The following RTL3 variants were observed in gnomAD, a reference collection of about 807,000 sequenced individuals.
RTL3 encodes the protein retrotransposon Gag-like protein 3.
For synonymous variants in RTL3, 181 were observed against 132.2 expected (o/e 1.37, Z -2.53); for missense variants, 468 against 341.8 (o/e 1.37, Z -2.91).
chrX:78,657,119 A>G lies in RTL3; in HGVS notation c.1302T>C (p.Ala434=). The change falls in exon 2 of 2, where the codon GCT becomes GCC. Residue 434 remains alanine, a synonymous_variant. Transcript: ENST00000321110. ...AAINCPHISE[A]EWVRWHKGRL... ...GGCCTTTGTGCCAACGGACCCATTC[A>G]GCTTCACTGATGTGTGGGCAGTTGA... 8.2e-7 allele frequency: 1 copy of G among 1,212,171 alleles called. No homozygotes were observed. Among genetic ancestry groups the G allele is most frequent in the Non-Finnish European group, 1.1e-6 (1 of 895,586 alleles).
In RTL3 at chrX:78,657,395, G is replaced by A. The variant is rs755693200; in HGVS notation, c.1026C>T (p.His342=). Residue 342 remains histidine, a synonymous_variant, in exon 2 of 2, where the codon CAC becomes CAT. Transcript: ENST00000321110. The part of the protein sequence containing the change: ...LCQGEGHVAT[H]FHLIAQELNW... ...TCAGCTCTTGAGCAATGAGGTGGAA[G>A]TGGGTTGCTACATGACCCTCCCCTT... 5.8e-6 allele frequency: 7 copies of A among 1,212,164 alleles called. No individual in the cohort carries two copies. The highest frequency in any genetic ancestry group is 7.8e-6 in the Non-Finnish European group (7 of 895,597).
Position 78,657,356 on chromosome X carries a change from G to A in RTL3, c.1065C>T (p.Ser355=). 1 of 1,211,889 alleles carries A rather than the reference G, an allele frequency of 8.3e-7. No individual in the cohort carries two copies. The highest frequency in any genetic ancestry group is 1.7e-5 in the African/African-American group (1 of 57,789). ...LIAQELNWDE[S]TLWIQFQEGL... is the part of the protein sequence containing the mutation. ...CTTCTTGAAATTGGATCCAGAGAGT[G>A]CTTTCATCCCAGTTCAGCTCTTGAG... is the stretch of plus-strand genomic sequence containing the variant. The change falls in exon 2 of 2, where the codon AGC becomes AGT. Residue 355 remains serine, a synonymous_variant. Transcript: ENST00000321110.
In RTL3 at chrX:78,657,235, G is replaced by T. The variant is rs868769230; in HGVS notation, c.1186C>A (p.Pro396Thr). 1 of 1,210,660 alleles carries T rather than the reference G, an allele frequency of 8.3e-7. No individual in the cohort carries two copies. Among genetic ancestry groups the T allele is most frequent in the Non-Finnish European group, 1.1e-6 (1 of 895,388 alleles). Residue 396 changes from proline to threonine, a missense_variant, in exon 2 of 2, where the codon CCT (proline) becomes ACT (threonine). Physicochemically the swap from Pro to Thr is conservative, Grantham distance 38. Transcript: ENST00000321110. ...ITQCISLEEK[P>T]DPNPLGKSSS... ...CTTTTCCCTAATGGATTGGGATCAG[G>T]CTTCTCTTCCAGGCTGATGCACTGA...
chrX:78,658,548 T>G lies in RTL3; in HGVS notation c.-128A>C. The G allele has an allele frequency of 1.5e-6, 1 of 678,279 alleles. No individual in the cohort carries two copies. The highest frequency in any genetic ancestry group is 2.1e-6 in the Non-Finnish European group (1 of 470,349). The allele number at this position is 678,279 out of a possible 1,213,427, so 55.9% of individuals were successfully genotyped here. A position where few individuals can be genotyped will look rare whatever the true frequency, so the allele number is the denominator to read the frequency against. On this transcript the variant is annotated 5_prime_UTR_variant, in exon 2 of 2. Coordinates refer to ENST00000321110, the MANE Select transcript of RTL3 (RefSeq NM_152694.3). ...TCAGTGAGTTTTCCAAGGGGTGGTA[T>G]TTGGGCCCCGCCAAGGCTGATTATC...
chrX:78,657,559 C>G lies in RTL3; in HGVS notation c.862G>C (p.Gly288Arg). The G allele has an allele frequency of 8.3e-7, 1 of 1,206,963 alleles. No homozygotes were observed. The highest frequency in any genetic ancestry group is 1.1e-6 in the Non-Finnish European group (1 of 892,866). ...TCCAGTAAGAGCTGGAACCACCATC[C>G]TGCCCTACCTGAGAAGCAATTGCCA... ...FVGNCFSGRA[G>R]WWFQLLLDIQ... is the part of the protein sequence containing the mutation. The change falls in exon 2 of 2, where the codon GGA (glycine) becomes CGA (arginine). Residue 288 changes from glycine to arginine, a missense_variant. Coordinates refer to ENST00000321110, the MANE Select transcript of RTL3 (RefSeq NM_152694.3).
Position 78,658,247 on chromosome X carries a change from G to A in RTL3, c.174C>T (p.Ala58=), listed in dbSNP as rs372033992. Residue 58 remains alanine, a synonymous_variant, in exon 2 of 2, where the codon GCC becomes GCT. Transcript: ENST00000321110. ...EYDLLRKSSE[A]KEPQKLPEHM... ...GCTCTGGGAGCTTCTGGGGCTCCTT[G>A]GCCTCTGAGGACTTTCGGAGTAGAT... is the stretch of plus-strand genomic sequence containing the variant. The A allele has an allele frequency of 4.1e-6, 5 of 1,210,028 alleles. No individual in the cohort carries two copies. The South Asian group carries it at 5.3e-5, about 13-fold the overall frequency.
chrX:78,657,472 CA>C lies in RTL3; in HGVS notation c.948del (p.Phe316LeufsTer7). ...GCATCTTTCATGTTTTCTGGATTAT[CA>C]AAAGTATCCTGGAGCACAGGTATGA... is the stretch of plus-strand genomic sequence containing the variant. Reference protein sequence around the residue: ...ESFIPVLQDTFDNPENMKDAN... With the variant: ...ESFIPVLQDTXDNPENMKDAN... On this transcript the variant is annotated frameshift_variant, in exon 2 of 2. Coordinates refer to ENST00000321110, the MANE Select transcript of RTL3 (RefSeq NM_152694.3). LOFTEE classifies it low-confidence loss of function (END_TRUNC). 8.3e-7 allele frequency: 1 copy of C among 1,208,226 alleles called. No individual in the cohort carries two copies. Among genetic ancestry groups the C allele is most frequent in the Non-Finnish European group, 1.1e-6 (1 of 893,617 alleles).
Position 78,657,462 on chromosome X carries a change from T to C in RTL3, c.959A>G (p.Glu320Gly). 1 of 1,209,532 alleles carries C rather than the reference T, an allele frequency of 8.3e-7. No homozygotes were observed. Among genetic ancestry groups the C allele is most frequent in the Non-Finnish European group, 1.1e-6 (1 of 894,214 alleles). The change falls in exon 2 of 2, where the codon GAA (glutamate) becomes GGA (glycine). Residue 320 changes from glutamate to glycine, a missense_variant. Physicochemically the swap from Glu to Gly is moderately conservative, Grantham distance 98 (BLOSUM62 -2). Coordinates refer to ENST00000321110, the MANE Select transcript of RTL3 (RefSeq NM_152694.3). ...GCACTGGTTGGCATCTTTCATGTTT[T>C]CTGGATTATCAAAAGTATCCTGGAG... Reference protein sequence around the residue: ...PVLQDTFDNPENMKDANQCIH... With the variant: ...PVLQDTFDNPGNMKDANQCIH...
rs779187250 is a variant in RTL3 at position 78,658,346 on chromosome X, C to T, written c.75G>A (p.Trp25Ter). ...GGAGAGCAGCATTTTCTTCCATCAG[C>T]CACTGCACTTGAGCCTGCCGAATTT... ...ENEIRQAQVQ[W>*]LMEENAALQA... is the part of the protein sequence containing the mutation. The change falls in exon 2 of 2, where the codon TGG becomes TGA. Residue 25 changes from tryptophan to a stop codon, truncating the protein, a stop_gained. Coordinates refer to ENST00000321110, the MANE Select transcript of RTL3 (RefSeq NM_152694.3). LOFTEE classifies it low-confidence loss of function (END_TRUNC). The T allele has an allele frequency of 2.5e-6, 3 of 1,209,140 alleles. No individual in the cohort carries two copies. Among genetic ancestry groups the T allele is most frequent in the African/African-American group, 1.8e-5 (1 of 56,868 alleles).
rs368758594 is a variant in RTL3, at chrX:78,657,018, G to A, written c.1403C>T (p.Ala468Val). 4.1e-5 allele frequency: 49 copies of A among 1,208,291 alleles called. 1 individual carries two copies. Among genetic ancestry groups the A allele is most frequent in the East Asian group, 3.3e-4 (11 of 33,701 alleles). ...CPVKPHQALQ[A>V]GNIQACQ ...TTACTGGCAGGCCTGGATGTTTCCC[G>A]CCTGCAGGGCCTGATGAGGCTTGAC... Residue 468 changes from alanine (A) to valine (V), a missense_variant, in exon 2 of 2, where the codon GCG becomes GTG. Transcript: ENST00000321110.
In RTL3 at chrX:78,657,199, C is replaced by T. The variant is rs754030362; in HGVS notation, c.1222G>A (p.Glu408Lys). Residue 408 changes from glutamate (E) to lysine (K), a missense_variant, in exon 2 of 2, where the codon GAG becomes AAG. Coordinates refer to ENST00000321110, the MANE Select transcript of RTL3 (RefSeq NM_152694.3). ...GGTGGACTCTCGGGTCCATCTCCCT[C>T]TGCAGAGGAACTTTTCCCTAATGGA... ...PNPLGKSSSA[E>K]GDGPESPPAE... 3 of 1,211,014 alleles carry T rather than the reference C, an allele frequency of 2.5e-6. No homozygotes were observed. The African/African-American group carries it at 5.2e-5, about 21-fold the overall frequency.
At position 78,656,847 on chromosome X, in the gene RTL3, T is replaced by A; in HGVS notation, c.*146A>T. 3 of 624,665 alleles carry A rather than the reference T, an allele frequency of 4.8e-6. No individual in the cohort carries two copies. The highest frequency in any genetic ancestry group is 7.1e-6 in the Non-Finnish European group (3 of 422,401). 51.5% of individuals were successfully genotyped at this position (624,665 alleles called of 1,213,427 possible). On this transcript the variant is annotated 3_prime_UTR_variant, in exon 2 of 2. Transcript: ENST00000321110. The stretch of plus-strand genomic sequence containing the variant: ...GAACCACAGTATGATCAATGCTGTT[T>A]CTGTAGGAGCCTGAATCTACCATTG...
In RTL3 at chrX:78,657,850, G is replaced by T. The variant is rs769439902; in HGVS notation, c.571C>A (p.Pro191Thr). 1.4e-5 allele frequency: 17 copies of T among 1,208,911 alleles called. No homozygotes were observed. The Admixed American group carries it at 1.8e-4, about 12-fold the overall frequency. The change falls in exon 2 of 2, where the codon CCT (proline) becomes ACT (threonine). Residue 191 changes from proline to threonine, a missense_variant. Physicochemically the swap from Pro to Thr is conservative, Grantham distance 38. Coordinates refer to ENST00000321110, the MANE Select transcript of RTL3 (RefSeq NM_152694.3). ...TCCTGGGCATTTGAAGGCTCCAGAG[G>T]CTCCTGGGGAGGTGGAAGCTCAAGG... ...EFLELPPPQE[P>T]LEPSNAQEFL...
In RTL3 at chrX:78,657,956, A is replaced by C; in HGVS notation, c.465T>G (p.Asn155Lys). 1 of 1,207,719 alleles carries C rather than the reference A, an allele frequency of 8.3e-7. No individual in the cohort carries two copies. The highest frequency in any genetic ancestry group is 1.1e-6 in the Non-Finnish European group (1 of 894,396). The change falls in exon 2 of 2, where the codon AAT becomes AAG. Residue 155 changes from asparagine to lysine, a missense_variant. By Grantham distance (94) the Asn-to-Lys change is moderately conservative. Coordinates refer to ENST00000321110, the MANE Select transcript of RTL3 (RefSeq NM_152694.3). ...TATTTGGGGGATCCTGGGGTTCTGA[A>C]TTCTTGGGCTCTTGGGCTATTGTGG... is the stretch of plus-strand genomic sequence containing the variant. ...QDATIAQEPK[N>K]SEPQDPPNIE...
Position 78,657,043 on chromosome X carries a change from C to T in RTL3, c.1378G>A (p.Val460Ile). Reference protein sequence around the residue: ...YPGHFARDCPVKPHQALQAGN... With the variant: ...YPGHFARDCPIKPHQALQAGN... ...GCCTGCAGGGCCTGATGAGGCTTGA[C>T]AGGGCAATCTCTGGCAAAATGACCA... Residue 460 changes from valine to isoleucine, a missense_variant, in exon 2 of 2, where the codon GTC becomes ATC. Transcript: ENST00000321110. 1 of 1,211,903 alleles carries T rather than the reference C, an allele frequency of 8.3e-7. No individual in the cohort carries two copies. Among genetic ancestry groups the T allele is most frequent in the South Asian group, 1.8e-5 (1 of 56,927 alleles).
In RTL3 at chrX:78,656,076, G is replaced by T. The variant is rs1922970903; in HGVS notation, c.*917C>A. On this transcript the variant is annotated 3_prime_UTR_variant, in exon 2 of 2. Transcript: ENST00000321110. ...AATAACTCAAACACAAGTAGAAATT[G>T]CTAATATTTATTGATTCTTTTAAGA... 1 of 111,486 alleles carries T rather than the reference G, an allele frequency of 9.0e-6. No homozygotes were observed. Among genetic ancestry groups the T allele is most frequent in the Non-Finnish European group, 1.9e-5 (1 of 53,125 alleles). The allele number at this position is 111,486 out of a possible 1,213,427, so 9.2% of individuals were successfully genotyped here. A position where few individuals can be genotyped will look rare whatever the true frequency, so the allele number is the denominator to read the frequency against.
Position 78,657,444 on chromosome X carries a change from T to C in RTL3, c.977A>G (p.Asn326Ser). ...TTGGCAGAGTTGATGGATGCACTGG[T>C]TGGCATCTTTCATGTTTTCTGGATT... ...FDNPENMKDA[N>S]QCIHQLCQGE... is the part of the protein sequence containing the mutation. The change falls in exon 2 of 2, where the codon AAC (asparagine) becomes AGC (serine). Residue 326 changes from asparagine (N) to serine (S), a missense_variant. By Grantham distance (46) the Asn-to-Ser change is conservative. Transcript: ENST00000321110. The C allele has an allele frequency of 4.1e-6, 5 of 1,210,653 alleles. No individual in the cohort carries two copies. Among genetic ancestry groups the C allele is most frequent in the Non-Finnish European group, 5.6e-6 (5 of 894,933 alleles).
In RTL3 at chrX:78,657,545, C is replaced by T. The variant is rs980598432; in HGVS notation, c.876G>A (p.Gln292=). Residue 292 remains glutamine (Q), a synonymous_variant, in exon 2 of 2, where the codon CAG becomes CAA. Transcript: ENST00000321110. ...CFSGRAGWWF[Q]LLLDIQSPLL... Reference sequence around the variant, plus strand: ...AGGGGCTTTGGATATCCAGTAAGAGCTGGAACCACCATCCTGCCCTACCTG... The same window carrying T: ...AGGGGCTTTGGATATCCAGTAAGAGTTGGAACCACCATCCTGCCCTACCTG... 1 of 1,205,137 alleles carries T rather than the reference C, an allele frequency of 8.3e-7. No homozygotes were observed. The highest frequency in any genetic ancestry group is 1.1e-6 in the Non-Finnish European group (1 of 892,680).
At position 78,658,400 on chromosome X, in the gene RTL3, G is replaced by A. The variant is rs1923065346; in HGVS notation, c.21C>T (p.Ala7=). MVEDLA[A]SYIVLKLENE... Reference sequence around the variant, plus strand: ...TCTCCAATTTCAGAACAATATAGGAGGCTGCTAAGTCCTCCACCATCTTTT... The same window carrying A: ...TCTCCAATTTCAGAACAATATAGGAAGCTGCTAAGTCCTCCACCATCTTTT... The change falls in exon 2 of 2, where the codon GCC becomes GCT. Residue 7 remains alanine (A), a synonymous_variant. Coordinates refer to ENST00000321110, the MANE Select transcript of RTL3 (RefSeq NM_152694.3). 3.3e-6 allele frequency: 4 copies of A among 1,204,921 alleles called. No homozygotes were observed. Among genetic ancestry groups the A allele is most frequent in the South Asian group, 1.8e-5 (1 of 55,296 alleles).
Sources: gnomAD v4.1 joint callset for allele counts on GRCh38, gnomAD v4.1.1 for gene constraint, MANE v1.5 for transcripts, NCBI Gene and HGNC (gene_info 2026-07-23, HGNC 2026-07-21) for gene names.